The following SRRM5 variants were observed in gnomAD, a reference collection of about 807,000 sequenced individuals.
The protein encoded by SRRM5 is serine/arginine repetitive matrix 5.
A neutral mutation model predicts 1.3 loss-of-function variants in SRRM5; 1 was observed. The observed-to-expected ratio is 0.76, with a 90% confidence interval of 0.27 to 3.59. The LOEUF is 3.59. Ranked by LOEUF, SRRM5 falls within the 30% of genes most tolerant of loss-of-function variation. The pLI is 0.19. For synonymous variants in SRRM5, 275 were observed against 320.2 expected (o/e 0.86, Z 1.51); for missense variants, 875 against 914.5 (o/e 0.96, Z 0.56).
Position 43,613,590 on chromosome 19 carries a change from G to A in SRRM5, c.1469G>A (p.Ser490Asn), listed in dbSNP as rs982591232. Residue 490 changes from serine (S) to asparagine (N), a missense_variant, in exon 1 of 1, where the codon AGC becomes AAC. Physicochemically the swap from Ser to Asn is conservative, Grantham distance 46. Coordinates refer to ENST00000417606, the MANE Select transcript of SRRM5 (RefSeq NM_001145641.2). ...SKERDHSQLG[S>N]PSKERDHRRS... ...GAAAGAGATCACAGCCAACTTGGAAGCCCCAGCAAAGAGAGAGATCACAGA... is the reference window on the plus strand; with the variant it reads ...GAAAGAGATCACAGCCAACTTGGAAACCCCAGCAAAGAGAGAGATCACAGA... 73 of 1,551,482 alleles carry A rather than the reference G, an allele frequency of 4.7e-5. No individual in the cohort carries two copies. Among genetic ancestry groups the A allele is most frequent in the Non-Finnish European group, 6.1e-5 (70 of 1,146,976 alleles).
chr19:43,613,684 C>G lies in SRRM5; in HGVS notation c.1563C>G (p.His521Gln). The G allele has an allele frequency of 6.4e-7, 1 of 1,551,576 alleles. No individual in the cohort carries two copies. The highest frequency in any genetic ancestry group is 8.7e-7 in the Non-Finnish European group (1 of 1,146,956). ...GAAGCTCCAGCAAAGAGAGAGATCACAGACGATCTAGAAGCCCCAGCAAGG... is the reference window on the plus strand; with the variant it reads ...GAAGCTCCAGCAAAGAGAGAGATCAGAGACGATCTAGAAGCCCCAGCAAGG... ...QSRSSSKERDHRRSRSPSKER... is the reference protein window; with the variant it reads ...QSRSSSKERDQRRSRSPSKER... Residue 521 changes from histidine (H) to glutamine (Q), a missense_variant, in exon 1 of 1, where the codon CAC (histidine) becomes CAG (glutamine). Physicochemically the swap from His to Gln is conservative, Grantham distance 24. Transcript: ENST00000417606.
Position 43,612,173 on chromosome 19 carries a change from G to T in SRRM5, c.52G>T (p.Gly18Ter), listed in dbSNP as rs1007076052. Residue 18 changes from glycine (G) to a stop codon, truncating the protein, a stop_gained, in exon 3 of 3, where the codon GGA becomes TGA. Transcript: ENST00000607544. LOFTEE classifies it low-confidence loss of function (END_TRUNC). This position sits in a 1 kb window ranked among gnomAD's most constrained non-coding sequence, Gnocchi z 4.2. ...GCCCAGTATGTCTCTGGCACCCAGT[G>T]GATCCTCCATGCCCACTGCGGATCC... 2.7e-5 allele frequency: 42 copies of T among 1,551,694 alleles called. No individual in the cohort carries two copies. The highest frequency in any genetic ancestry group is 3.4e-5 in the Non-Finnish European group (39 of 1,146,996).
At position 43,612,222 on chromosome 19, in the gene SRRM5, C is replaced by A. The variant is rs1212309178; in HGVS notation, c.101C>A (p.Ser34Tyr). The A allele has an allele frequency of 5.8e-6, 9 of 1,551,718 alleles. No homozygotes were observed. The highest frequency in any genetic ancestry group is 7.8e-6 in the Non-Finnish European group (9 of 1,146,998). Residue 34 changes from serine (S) to tyrosine (Y), a missense_variant, in exon 1 of 1, where the codon TCC (serine) becomes TAC (tyrosine). Transcript: ENST00000417606. The surrounding 1 kb of genome is among the most constrained non-coding windows in gnomAD (Gnocchi z 4.2). ...ADPKPPASLKSTKSATPNRSL... is the reference protein window; with the variant it reads ...ADPKPPASLKYTKSATPNRSL... ...CCCAAGCCTCCTGCCTCCTTGAAGT[C>A]CACCAAATCAGCAACACCCAACAGA...
rs1185131503 is a variant in SRRM5 at position 43,614,050 on chromosome 19, A to C, written c.1929A>C (p.Gln643His). ...RTSSKESDPS[Q>H]STVPRSPDWK... ...CTAGCAAGGAGAGCGACCCCAGTCA[A>C]TCTACAGTCCCCAGAAGTCCCGACT... is the stretch of plus-strand genomic sequence containing the variant. The change falls in exon 1 of 1, where the codon CAA becomes CAC. Residue 643 changes from glutamine to histidine, a missense_variant. Coordinates refer to ENST00000417606, the MANE Select transcript of SRRM5 (RefSeq NM_001145641.2). 6.4e-7 allele frequency: 1 copy of C among 1,552,718 alleles called. No homozygotes were observed. The highest frequency in any genetic ancestry group is 8.7e-7 in the Non-Finnish European group (1 of 1,147,588).
Position 43,613,476 on chromosome 19 carries a change from C to A in SRRM5, c.1355C>A (p.Ser452Tyr). ...SPYKARDRSR[S>Y]RSPNKARDHS... is the part of the protein sequence containing the mutation. ...TACAAGGCGAGAGATCGCAGCCGAT[C>A]TAGAAGTCCCAACAAGGCAAGAGAT... Residue 452 changes from serine to tyrosine, a missense_variant, in exon 1 of 1, where the codon TCT (serine) becomes TAT (tyrosine). Transcript: ENST00000417606. 3 of 1,545,026 alleles carry A rather than the reference C, an allele frequency of 1.9e-6. No homozygotes were observed. Among genetic ancestry groups the A allele is most frequent in the Non-Finnish European group, 2.6e-6 (3 of 1,146,128 alleles).
Position 43,614,122 on chromosome 19 carries a change from C to T in SRRM5, c.2001C>T (p.Thr667=). The change falls in exon 1 of 1, where the codon ACC becomes ACT. Residue 667 remains threonine, a synonymous_variant. Coordinates refer to ENST00000417606, the MANE Select transcript of SRRM5 (RefSeq NM_001145641.2). ...TRTSSLSQNR[T]PSKTSSHSPS... is the part of the protein sequence containing the mutation. Reference sequence around the variant, plus strand: ...CAAGCAGTCTCAGTCAGAATAGAACCCCTAGCAAGACAAGCAGCCACTCCC... The same window carrying T: ...CAAGCAGTCTCAGTCAGAATAGAACTCCTAGCAAGACAAGCAGCCACTCCC... 5.0e-6 allele frequency: 8 copies of T among 1,603,372 alleles called. No homozygotes were observed. Among genetic ancestry groups the T allele is most frequent in the Non-Finnish European group, 6.8e-6 (8 of 1,174,860 alleles).
rs1176660433 is a variant in SRRM5, at chr19:43,612,851, A to C, written c.730A>C (p.Ser244Arg). Residue 244 changes from serine to arginine, a missense_variant, in exon 1 of 1, where the codon AGC becomes CGC. Coordinates refer to ENST00000417606, the MANE Select transcript of SRRM5 (RefSeq NM_001145641.2). This position sits in a 1 kb window ranked among gnomAD's most constrained non-coding sequence, Gnocchi z 4.2. ...TCCATCCTCATCAAGGAAGGTGAAGAGCTACGGTCAGATGATCATCCCCAG... is the reference window on the plus strand; with the variant it reads ...TCCATCCTCATCAAGGAAGGTGAAGCGCTACGGTCAGATGATCATCCCCAG... The part of the protein sequence containing the change: ...PSPSSSRKVK[S>R]YGQMIIPSRE... 6.4e-7 allele frequency: 1 copy of C among 1,551,726 alleles called. No individual in the cohort carries two copies. The highest frequency in any genetic ancestry group is 1.4e-5 in the African/African-American group (1 of 73,168).
rs778042025 is a variant in SRRM5 at position 43,614,121 on chromosome 19, C to G, written c.2000C>G (p.Thr667Ser). The stretch of plus-strand genomic sequence containing the variant: ...ACAAGCAGTCTCAGTCAGAATAGAA[C>G]CCCTAGCAAGACAAGCAGCCACTCC... ...TRTSSLSQNR[T>S]PSKTSSHSPS... is the part of the protein sequence containing the mutation. The change falls in exon 1 of 1, where the codon ACC (threonine) becomes AGC (serine). Residue 667 changes from threonine (T) to serine (S), a missense_variant. Thr to Ser is a moderately conservative substitution (Grantham distance 58). Transcript: ENST00000417606. 1.9e-6 allele frequency: 3 copies of G among 1,602,384 alleles called. No individual in the cohort carries two copies. Among genetic ancestry groups the G allele is most frequent in the Non-Finnish European group, 2.6e-6 (3 of 1,174,384 alleles).
In SRRM5 at chr19:43,613,532, A is replaced by G; in HGVS notation, c.1411A>G (p.Arg471Gly). The G allele has an allele frequency of 6.4e-7, 1 of 1,551,528 alleles. No individual in the cohort carries two copies. The highest frequency in any genetic ancestry group is 8.7e-7 in the Non-Finnish European group (1 of 1,146,926). Reference sequence around the variant, plus strand: ...CCGATCTAGAAGTCCCAACAAGGCGAGAGATCGCAGCCGATCTAGAAGCCC... The same window carrying G: ...CCGATCTAGAAGTCCCAACAAGGCGGGAGATCGCAGCCGATCTAGAAGCCC... ...HSRSRSPNKA[R>G]DRSRSRSPSK... The change falls in exon 1 of 1, where the codon AGA (arginine) becomes GGA (glycine). Residue 471 changes from arginine (R) to glycine (G), a missense_variant. Coordinates refer to ENST00000417606, the MANE Select transcript of SRRM5 (RefSeq NM_001145641.2).
In SRRM5 at chr19:43,613,169, G is replaced by C. The variant is rs1293154484; in HGVS notation, c.1048G>C (p.Gly350Arg). Residue 350 changes from glycine to arginine, a missense_variant, in exon 1 of 1, where the codon GGA becomes CGA. Gly to Arg is a moderately radical substitution (Grantham distance 125). Coordinates refer to ENST00000417606, the MANE Select transcript of SRRM5 (RefSeq NM_001145641.2). ...AAACCAATCTAGAACCCCCAGAAGA[G>C]GAAGAAGTCACAACTGGTCTAGAAA... ...SQNQSRTPRR[G>R]RSHNWSRNPS... is the part of the protein sequence containing the mutation. 5 of 1,551,664 alleles carry C rather than the reference G, an allele frequency of 3.2e-6. No individual in the cohort carries two copies. The highest frequency in any genetic ancestry group is 4.4e-6 in the Non-Finnish European group (5 of 1,147,002).
In SRRM5 at chr19:43,614,322, G is replaced by A. The variant is rs912107828; in HGVS notation, c.*53G>A. ...TCTGTCATGACCGGGGGAGGGGACA[G>A]GAGACAGGAGCAGAGCAGCAGCTGA... On this transcript the variant is annotated 3_prime_UTR_variant, in exon 1 of 1. Transcript: ENST00000417606. 6.9e-6 allele frequency: 11 copies of A among 1,590,212 alleles called. No individual in the cohort carries two copies. The highest frequency in any genetic ancestry group is 6.0e-6 in the Non-Finnish European group (7 of 1,168,416).
Position 43,613,941 on chromosome 19 carries a change from G to A in SRRM5, c.1820G>A (p.Arg607Gln), listed in dbSNP as rs1188071887. ...CCCAATAAGCAGAGTGGTTACAGTCGACCTAGAGCCTCCAGCAAGGAGAAA... is the reference window on the plus strand; with the variant it reads ...CCCAATAAGCAGAGTGGTTACAGTCAACCTAGAGCCTCCAGCAAGGAGAAA... ...RSPNKQSGYS[R>Q]PRASSKEKAH... Residue 607 changes from arginine to glutamine, a missense_variant, in exon 1 of 1, where the codon CGA becomes CAA. Physicochemically the swap from Arg to Gln is conservative, Grantham distance 43. Transcript: ENST00000417606. 2.6e-6 allele frequency: 4 copies of A among 1,551,460 alleles called. No homozygotes were observed. Among genetic ancestry groups the A allele is most frequent in the East Asian group, 2.4e-5 (1 of 40,912 alleles).
rs757464161 is a variant in SRRM5 at position 43,612,180 on chromosome 19, C to G, written c.59C>G (p.Ser20Cys). Residue 20 changes from serine to cysteine, a missense_variant, in exon 1 of 1, where the codon TCC becomes TGC. Coordinates refer to ENST00000417606, the MANE Select transcript of SRRM5 (RefSeq NM_001145641.2). The surrounding 1 kb of genome is among the most constrained non-coding windows in gnomAD (Gnocchi z 4.2). ...PSMSLAPSGS[S>C]MPTADPKPPA... ...ATGTCTCTGGCACCCAGTGGATCCTCCATGCCCACTGCGGATCCCAAGCCT... is the reference window on the plus strand; with the variant it reads ...ATGTCTCTGGCACCCAGTGGATCCTGCATGCCCACTGCGGATCCCAAGCCT... 4.7e-5 allele frequency: 73 copies of G among 1,551,632 alleles called. No homozygotes were observed. Among genetic ancestry groups the G allele is most frequent in the Non-Finnish European group, 6.0e-5 (69 of 1,147,002 alleles).
At position 43,612,131 on chromosome 19, in the gene SRRM5, C is replaced by G; in HGVS notation, c.10C>G (p.Pro4Ala). The G allele has an allele frequency of 1.3e-6, 2 of 1,551,516 alleles. No individual in the cohort carries two copies. Among genetic ancestry groups the G allele is most frequent in the Non-Finnish European group, 1.7e-6 (2 of 1,146,832 alleles). Residue 4 changes from proline to alanine, a missense_variant, in exon 1 of 1, where the codon CCT becomes GCT. Coordinates refer to ENST00000417606, the MANE Select transcript of SRRM5 (RefSeq NM_001145641.2). This position sits in a 1 kb window ranked among gnomAD's most constrained non-coding sequence, Gnocchi z 4.2. Reference protein sequence around the residue: MSSPKRSSKPSMSL... With the variant: MSSAKRSSKPSMSL... ...CCCTTTTGCGCCCACCATGTCTTCACCTAAGAGATCTTCAAAGCCCAGTAT... is the reference window on the plus strand; with the variant it reads ...CCCTTTTGCGCCCACCATGTCTTCAGCTAAGAGATCTTCAAAGCCCAGTAT...
Position 43,613,021 on chromosome 19 carries a change from C to T in SRRM5, c.900C>T (p.Ser300=). 1 of 1,551,610 alleles carries T rather than the reference C, an allele frequency of 6.4e-7. No homozygotes were observed. Among genetic ancestry groups the T allele is most frequent in the Non-Finnish European group, 8.7e-7 (1 of 1,146,978 alleles). Residue 300 remains serine (S), a synonymous_variant, in exon 1 of 1, where the codon AGC becomes AGT. Coordinates refer to ENST00000417606, the MANE Select transcript of SRRM5 (RefSeq NM_001145641.2). Reference sequence around the variant, plus strand: ...GTGGCAGTCAGAAGAGGACGCACAGCAGAGTGAGAAGTCACAGTTGGAAGA... The same window carrying T: ...GTGGCAGTCAGAAGAGGACGCACAGTAGAGTGAGAAGTCACAGTTGGAAGA... ...SRSGSQKRTH[S]RVRSHSWKRN...
rs1568535647 is a variant in SRRM5 at position 43,613,844 on chromosome 19, C to A, written c.1723C>A (p.Pro575Thr). 8.4e-6 allele frequency: 13 copies of A among 1,550,678 alleles called. No individual in the cohort carries two copies. The highest frequency in any genetic ancestry group is 2.4e-5 in the South Asian group (2 of 84,006). ...GAGAGATCGCAGACGATGGAGAAGC[C>A]CCAGCAAGGAGAGAGAGCGCAGACA... ...KERDRRRWRS[P>T]SKERERRQSR... is the part of the protein sequence containing the mutation. Residue 575 changes from proline (P) to threonine (T), a missense_variant, in exon 1 of 1, where the codon CCC (proline) becomes ACC (threonine). Transcript: ENST00000417606.
rs780587179 is a variant in SRRM5 at position 43,612,641 on chromosome 19, G to A, written c.520G>A (p.Gly174Ser). 1.9e-5 allele frequency: 29 copies of A among 1,551,254 alleles called. No individual in the cohort carries two copies. Among genetic ancestry groups the A allele is most frequent in the Admixed American group, 3.9e-5 (2 of 50,972 alleles). Reference protein sequence around the residue: ...QQKGSRGKSYGRPRTSNRERS... With the variant: ...QQKGSRGKSYSRPRTSNRERS... ...AAAAGGGAGCCGGGGAAAGAGTTAC[G>A]GCCGGCCTAGAACCAGCAACAGGGA... The change falls in exon 1 of 1, where the codon GGC (glycine) becomes AGC (serine). Residue 174 changes from glycine to serine, a missense_variant. By Grantham distance (56) the Gly-to-Ser change is moderately conservative (BLOSUM62 0). Coordinates refer to ENST00000417606, the MANE Select transcript of SRRM5 (RefSeq NM_001145641.2). This position sits in a 1 kb window ranked among gnomAD's most constrained non-coding sequence, Gnocchi z 4.2.
rs779775813 is a variant in SRRM5 at position 43,613,973 on chromosome 19, A to C, written c.1852A>C (p.Ser618Arg). ...PRASSKEKAHSRSRTPSKEGN... is the reference protein window; with the variant it reads ...PRASSKEKAHRRSRTPSKEGN... ...AGCCTCCAGCAAGGAGAAAGCTCAT[A>C]GCCGATCTAGAACCCCCAGCAAAGA... The change falls in exon 1 of 1, where the codon AGC becomes CGC. Residue 618 changes from serine (S) to arginine (R), a missense_variant. Transcript: ENST00000417606. 1.3e-6 allele frequency: 2 copies of C among 1,551,758 alleles called. No individual in the cohort carries two copies.
At position 43,612,150 on chromosome 19, in the gene SRRM5, C is replaced by A. The variant is rs1184183663; in HGVS notation, c.29C>A (p.Pro10His). 13 of 1,551,680 alleles carry A rather than the reference C, an allele frequency of 8.4e-6. No homozygotes were observed. Among genetic ancestry groups the A allele is most frequent in the Non-Finnish European group, 6.1e-6 (7 of 1,146,982 alleles). The change falls in exon 1 of 1, where the codon CCC becomes CAC. Residue 10 changes from proline (P) to histidine (H), a missense_variant. Transcript: ENST00000417606. This position sits in a 1 kb window ranked among gnomAD's most constrained non-coding sequence, Gnocchi z 4.2. The part of the protein sequence containing the change: MSSPKRSSK[P>H]SMSLAPSGSS... ...TCTTCACCTAAGAGATCTTCAAAGCCCAGTATGTCTCTGGCACCCAGTGGA... is the reference window on the plus strand; with the variant it reads ...TCTTCACCTAAGAGATCTTCAAAGCACAGTATGTCTCTGGCACCCAGTGGA...
Sources: gnomAD v4.1 joint callset for allele counts on GRCh38, gnomAD v4.1.1 for gene constraint, Gnocchi (gnomAD v3.1) non-coding constraint, MANE v1.5 for transcripts, NCBI Gene and HGNC (gene_info 2026-07-23, HGNC 2026-07-21) for gene names.